The following KLHL8 variants were observed in gnomAD, a reference collection of about 807,000 sequenced individuals.
KLHL8 encodes kelch like family member 8.
A neutral mutation model predicts 63.5 loss-of-function variants in KLHL8; 38 were observed. The observed-to-expected ratio is 0.60, with a 90% CI of 0.46 to 0.78. KLHL8 has a LOEUF of 0.78. KLHL8 is among the 30% of genes least tolerant of loss of function. KLHL8 has a pLI of 0.00. For synonymous variants in KLHL8, 224 were observed against 254.3 expected, an observed-to-expected ratio of 0.88 and a Z score of 1.13; for missense variants, 566 against 752.4, an observed-to-expected ratio of 0.75 and a Z score of 2.90.
intron 4 of KLHL8, among the ~76,000 whole-genome samples, chr4:87,179,668 A>C (rs1730972989): frequency 1.3e-5 from 2 of 151,834 alleles, no homozygotes; most frequent in Admixed American, 6.6e-5. Flanking sequence ...TGCCAACTAC[A>C]TGGGAGGCTG....
chr4:87,179,620 A>T (rs1560696338), intron 4 of KLHL8, among the ~76,000 whole-genome samples: 1 of 151,912 alleles, frequency 6.6e-6, no homozygotes, highest in African/African-American at 2.4e-5. Context: ...TACAAAAAAA[A>T]TTTAAAATTA....
At chr4:87,226,892 TATAA>T (rs1477491808) in intron 1 of KLHL8, among the ~76,000 whole-genome samples, 1 of 42,014 alleles carries the variant, frequency 2.4e-5, no homozygotes, top group Non-Finnish European at 4.0e-5. Context: ...ATATATTATA[TATAA>T]ATAATATATA....
chr4:87,170,476 G>A lies in KLHL8; in HGVS notation c.1348C>T (p.Arg450Cys). ...AGAGCAACAGAGCCAACTCCTCCACGGGGAGTATTCATTGGTGCCACTGTA... is the reference window on the plus strand; with the variant it reads ...AGAGCAACAGAGCCAACTCCTCCACAGGGAGTATTCATTGGTGCCACTGTA... ...WSTVAPMNTP[R>C]GGVGSVALVN... The change falls in exon 7 of 10, where the codon CGT becomes TGT. Residue 450 changes from arginine (R) to cysteine (C), a missense_variant. By Grantham distance (180) the Arg-to-Cys change is radical (BLOSUM62 -3). Transcript: ENST00000273963. 1.2e-6 allele frequency: 2 copies of A among 1,609,476 alleles called. No individual in the cohort carries two copies. The highest frequency in any genetic ancestry group is 1.7e-6 in the Non-Finnish European group (2 of 1,178,880).
rs1001344985 is a variant in KLHL8, at chr4:87,160,333, T to G, written c.*3186A>C. On this transcript the variant is annotated 3_prime_UTR_variant, in exon 10 of 10. Coordinates refer to ENST00000273963, the MANE Select transcript of KLHL8 (RefSeq NM_020803.5). ...AGAGACATAGCCAATGGCATCCCAG[T>G]AATAATTTCTTTACACATCTGATAC... is the stretch of plus-strand genomic sequence containing the variant. 6.6e-6 allele frequency: 1 copy of G among 152,142 alleles called. No homozygotes were observed. Among genetic ancestry groups the G allele is most frequent in the Non-Finnish European group, 1.5e-5 (1 of 67,992 alleles). 9.4% of individuals were successfully genotyped at this position (152,142 alleles called of 1,614,324 possible).
Position 87,178,527 on chromosome 4 carries a change from C to T in KLHL8, c.1046G>A (p.Gly349Glu). 6.2e-7 allele frequency: 1 copy of T among 1,611,708 alleles called. No individual in the cohort carries two copies. The highest frequency in any genetic ancestry group is 8.5e-7 in the Non-Finnish European group (1 of 1,179,478). ...YSINKNSWFF[G>E]PEMNSRRRHV... Reference sequence around the variant, plus strand: ...TCGCCTTCGACTATTCATTTCTGGTCCAAAGAACCAACTGTTTTTGTTGAT... The same window carrying T: ...TCGCCTTCGACTATTCATTTCTGGTTCAAAGAACCAACTGTTTTTGTTGAT... The change falls in exon 5 of 10, where the codon GGA becomes GAA. Residue 349 changes from glycine (G) to glutamate (E), a missense_variant. Gly to Glu is a moderately conservative substitution (Grantham distance 98, BLOSUM62 -2). Transcript: ENST00000273963.
At chr4:87,204,446 C>T (rs1732038990) in intron 1 of KLHL8, among the ~76,000 whole-genome samples, 1 of 151,812 alleles carries the variant, frequency 6.6e-6, no homozygotes, top group Non-Finnish European at 1.5e-5. Flanking sequence ...TATGACCCAG[C>T]AATCTGACTC....
chr4:87,184,790 T>C (rs1731188135), intron 3 of KLHL8, among the ~76,000 whole-genome samples: 1 of 152,012 alleles, frequency 6.6e-6, no homozygotes, highest in Admixed American at 6.6e-5. Flanking sequence ...CAAACTACGG[T>C]GAGAGAAGAA....
chr4:87,239,832 A>G (rs1004010267), intron 1 of KLHL8, among the ~76,000 whole-genome samples: 3 of 152,216 alleles, frequency 2.0e-5, no homozygotes, highest in Admixed American at 2.0e-4. Context: ...TAAAGTAAAA[A>G]GAGAAAACCC....
At chr4:87,230,332 G>T (rs1733112680) in intron 1 of KLHL8, among the ~76,000 whole-genome samples, 1 of 152,184 alleles carries the variant, frequency 6.6e-6, no homozygotes. Context: ...ACTGCTGGAA[G>T]CCAGGGGACA....
At chr4:87,237,258 T>C (rs1448934232) in intron 1 of KLHL8, among the ~76,000 whole-genome samples, 2 of 152,124 alleles carry the variant, frequency 1.3e-5, no homozygotes, top group Non-Finnish European at 2.9e-5. Context: ...GAAGAATGTA[T>C]TGGAAGATTA....
intron 2 of KLHL8, among the ~76,000 whole-genome samples, chr4:87,188,336 C>T (rs1238849151): frequency 6.6e-6 from 1 of 152,164 alleles, no homozygotes; most frequent in Non-Finnish European, 1.5e-5. Context: ...CATTAAATAA[C>T]TTGCCAACAC....
intron 1 of KLHL8, among the ~76,000 whole-genome samples, chr4:87,211,443 G>A (rs1011977762): frequency 2.6e-5 from 4 of 152,122 alleles, no homozygotes; most frequent in Admixed American, 6.6e-5. Flanking sequence ...AGCTTCAATA[G>A]TTCCTACTCA....
chr4:87,193,765 G>C (rs1418386867), intron 2 of KLHL8, among the ~76,000 whole-genome samples: 3 of 152,136 alleles, frequency 2.0e-5, no homozygotes, highest in Non-Finnish European at 4.4e-5. Context: ...CATTATGATA[G>C]CTACAACATT....
rs562972645 is a variant in KLHL8, at chr4:87,173,958, CA to C, written c.1208+2798del. On this transcript the variant is annotated intron_variant, in intron 6 of 9. Transcript: ENST00000273963. The stretch of plus-strand genomic sequence containing the variant: ...GGAAAAAAAGCTTAAAATGTCTTCA[CA>C]TTTTTTTTTAATCTTTCATATTTTA... 4.8e-3 allele frequency among the ~76,000 whole-genome samples: 722 copies of C among 151,582 alleles called. 9 individuals are homozygous for C. The highest frequency in any genetic ancestry group is 0.016 in the African/African-American group (657 of 41,276).
At chr4:87,192,929 A>G (rs976640388) in intron 2 of KLHL8, among the ~76,000 whole-genome samples, 1 of 152,202 alleles carries the variant, frequency 6.6e-6, no homozygotes, top group African/African-American at 2.4e-5. Flanking sequence ...ACACCCGTAT[A>G]AGGTATTTGC....
Position 87,226,382 on chromosome 4 carries a change from G to A in KLHL8, n.58-4992C>T, listed in dbSNP as rs570659922. On this transcript the variant is annotated intron_variant and non_coding_transcript_variant, in intron 1 of 1. Transcript: ENST00000506274. ...GTTCAAGACCAGCCTAGCCAACATG[G>A]TGAAACCCTGTCTCTACTAAAAATA... 5.2e-3 allele frequency among the ~76,000 whole-genome samples: 785 copies of A among 151,486 alleles called. 6 individuals carry two copies. The highest frequency in any genetic ancestry group is 0.01 in the Middle Eastern group (3 of 294).
At chr4:87,187,362 T>C (rs989138113) in intron 2 of KLHL8, among the ~76,000 whole-genome samples, 1 of 151,682 alleles carries the variant, frequency 6.6e-6, no homozygotes. Context: ...TGCCCGGCCA[T>C]AGTTGCCAAT....
chr4:87,196,840 T>A (rs1347220321), intron 1 of KLHL8, among the ~76,000 whole-genome samples: 1 of 152,176 alleles, frequency 6.6e-6, no homozygotes, highest in Non-Finnish European at 1.5e-5. Context: ...TAATCCTCAG[T>A]TTCTTCATCT....
At chr4:87,196,928 T>C (rs1288090394) in intron 1 of KLHL8, among the ~76,000 whole-genome samples, 1 of 152,228 alleles carries the variant, frequency 6.6e-6, no homozygotes, top group Non-Finnish European at 1.5e-5. Context: ...TACAAGTGCT[T>C]GTTTAAAATA....
Sources: allele counts gnomAD v4.1 joint callset (sites outside exome capture counted in the v4.1 genomes callset), GRCh38; gene constraint gnomAD v4.1.1; transcripts MANE v1.5; gene names NCBI Gene and HGNC (gene_info 2026-07-23, HGNC 2026-07-21).